NTM: variants seen among roughly 807,000 people sequenced by gnomAD.
The protein encoded by NTM is neurotrimin, also known as IgLON family member 2.
In NTM, 13 loss-of-function variants were observed where a neutral mutation model predicts 42.1. The ratio of observed to expected loss-of-function variants is 0.31; its 90% CI spans 0.20 to 0.49. The LOEUF is 0.49. NTM is among the 20% of genes least tolerant of loss of function. NTM has a pLI of 0.99. For missense variants in NTM, 373 were observed against 452.8 expected, an observed-to-expected ratio of 0.82 and a Z score of 1.60; for synonymous variants, 187 against 179.2, an observed-to-expected ratio of 1.04 and a Z score of -0.35.
At chr11:132,174,693 T>G (rs10894518) in intron 3 of NTM, among the ~76,000 whole-genome samples, 58,937 of 151,898 alleles carry the variant, frequency 0.39, 12,512 homozygotes, top group Non-Finnish European at 0.47. Flanking sequence ...GCAATGGCTC[T>G]TTGAAATATT....
intron 3 of NTM, among the ~76,000 whole-genome samples, chr11:132,200,363 C>T (rs1053537307): frequency 3.4e-4 from 51 of 152,134 alleles, no homozygotes; most frequent in African/African-American, 1.2e-3. Context: ...GGGACTGTAG[C>T]ACTAGAGAGA....
intron 4 of NTM, among the ~76,000 whole-genome samples, chr11:132,213,634 C>T (rs1223840540): frequency 6.6e-6 from 1 of 152,062 alleles, no homozygotes; most frequent in Non-Finnish European, 1.5e-5. Flanking sequence ...AAATTCTAGA[C>T]AGTGACAGTT....
At position 131,440,791 on chromosome 11, in the gene NTM, G is replaced by T. The variant is rs181084554; in HGVS notation, c.82+69903G>T. 5.1e-3 allele frequency among the ~76,000 whole-genome samples: 508 copies of T among 100,116 alleles called. 8 individuals are homozygous for T. The highest frequency in any genetic ancestry group is 0.019 in the African/African-American group (486 of 26,174). The allele number at this position is 100,116 out of a possible 152,430, so 65.7% of individuals were successfully genotyped here. A position where few individuals can be genotyped will look rare whatever the true frequency, so the allele number is the denominator to read the frequency against. On this transcript the variant is annotated intron_variant, in intron 1 of 8. Transcript: ENST00000683400. ...ACTTTCAACAGTTGTCTTGTTTTTTGTGCCACCCCTCACCACAGCCTCCAT... is the reference window on the plus strand; with the variant it reads ...ACTTTCAACAGTTGTCTTGTTTTTTTTGCCACCCCTCACCACAGCCTCCAT...
intron 4 of NTM, among the ~76,000 whole-genome samples, chr11:132,298,825 GTTC>G (rs1362880005): frequency 5.9e-5 from 9 of 152,082 alleles, no homozygotes; most frequent in African/African-American, 2.2e-4. Flanking sequence ...TATCAAATGA[GTTC>G]TTAATATGTG....
intron 1 of NTM, among the ~76,000 whole-genome samples, chr11:131,621,484 C>A (rs1052973851): frequency 6.6e-6 from 1 of 152,064 alleles, no homozygotes; most frequent in Non-Finnish European, 1.5e-5. Context: ...GCAGACCACA[C>A]ATCAAGTGCC....
chr11:132,108,453 G>A (rs1243470460), intron 2 of NTM, among the ~76,000 whole-genome samples: 1 of 152,156 alleles, frequency 6.6e-6, no homozygotes, highest in African/African-American at 2.4e-5. Flanking sequence ...GACATCATAT[G>A]TTCTCACTCA....
At chr11:132,115,440 T>A (rs1327076170) in intron 2 of NTM, among the ~76,000 whole-genome samples, 1 of 152,216 alleles carries the variant, frequency 6.6e-6, no homozygotes, top group Admixed American at 6.5e-5. Flanking sequence ...TATACAAGTT[T>A]TATTTGTCAA....
chr11:131,543,640 G>A (rs1057411424), intron 1 of NTM, among the ~76,000 whole-genome samples: 3 of 152,172 alleles, frequency 2.0e-5, no homozygotes, highest in African/African-American at 7.2e-5. Context: ...CATGAGCTGG[G>A]GAGAGGCTCT....
chr11:131,567,770 G>C (rs2057042484), intron 1 of NTM, among the ~76,000 whole-genome samples: 1 of 152,218 alleles, frequency 6.6e-6, no homozygotes, highest in African/African-American at 2.4e-5. Flanking sequence ...TCACAAAGAT[G>C]CTACTTGAAT....
rs149372076 is a variant in NTM, at chr11:131,592,919, C to T, written c.82+222031C>T. Among the ~76,000 whole-genome samples, 142 of 152,288 alleles carry T rather than the reference C, an allele frequency of 9.3e-4. 4 individuals are homozygous for T. Among genetic ancestry groups the T allele is most frequent in the African/African-American group, 7.5e-4 (31 of 41,562 alleles). The stretch of plus-strand genomic sequence containing the variant: ...GCCCTTCCCTGCCAATCTCCGGCCA[C>T]GTCTGGCAGCTGGAATTGCAGTTCT... On this transcript the variant is annotated intron_variant, in intron 1 of 8. Coordinates refer to ENST00000683400, the MANE Select transcript of NTM (RefSeq NM_001352005.2).
intron 3 of NTM, among the ~76,000 whole-genome samples, chr11:132,209,849 A>G (rs1365009279): frequency 1.3e-5 from 2 of 152,236 alleles, no homozygotes; most frequent in African/African-American, 2.4e-5. Context: ...TGCAGCACAG[A>G]TAAGTACAGC....
chr11:131,448,511 G>A (rs771442373), intron 1 of NTM, among the ~76,000 whole-genome samples: 5 of 152,198 alleles, frequency 3.3e-5, no homozygotes, highest in Admixed American at 6.5e-5. Context: ...ATAGACCTGC[G>A]GACCAGGAAG....
At chr11:132,284,970 C>T (rs2094169357) in intron 4 of NTM, 1 of 152,446 alleles carries the variant, frequency 6.6e-6, no homozygotes, top group Non-Finnish European at 1.5e-5. Context: ...GGAGCTCATC[C>T]ACCTGGGGAA....
At chr11:131,414,547 A>G (rs1946749034) in intron 1 of NTM, among the ~76,000 whole-genome samples, 1 of 152,128 alleles carries the variant, frequency 6.6e-6, no homozygotes. Context: ...TCGGGAGTGA[A>G]TGGAGTCCTT....
intron 4 of NTM, among the ~76,000 whole-genome samples, chr11:132,283,144 G>C (rs971950953): frequency 2.6e-5 from 4 of 151,576 alleles, no homozygotes; most frequent in Non-Finnish European, 5.9e-5. Flanking sequence ...GTGCCACCAT[G>C]CCCACCTAAT....
chr11:131,393,448 C>G (rs556692565), intron 1 of NTM, among the ~76,000 whole-genome samples: 108 of 152,300 alleles, frequency 7.1e-4, no homozygotes, highest in African/African-American at 2.5e-3. Flanking sequence ...GGATTGCCAC[C>G]TAGGCCTGGA....
chr11:131,564,868 T>TACAC (rs58633675), intron 1 of NTM, among the ~76,000 whole-genome samples: 116 of 151,674 alleles, frequency 7.6e-4, no homozygotes, highest in Non-Finnish European at 1.5e-3. Context: ...TACACACACA[T>TACAC]ACACACACAC....
At position 132,320,851 on chromosome 11, in the gene NTM, C is replaced by G. The variant is rs982713649; in HGVS notation, c.934+6148C>G. Reference sequence around the variant, plus strand: ...TCTGAGAACGGGCAGACTGCCTCCTCAAGTGGGTCCCTGACCCCTGACCCC... The same window carrying G: ...TCTGAGAACGGGCAGACTGCCTCCTGAAGTGGGTCCCTGACCCCTGACCCC... On this transcript the variant is annotated intron_variant, in intron 7 of 8. Coordinates refer to ENST00000683400, the MANE Select transcript of NTM (RefSeq NM_001352005.2). 2.0e-4 allele frequency among the ~76,000 whole-genome samples: 31 copies of G among 151,808 alleles called. 1 individual carries two copies. The highest frequency in any genetic ancestry group is 7.8e-4 in the East Asian group (4 of 5,150).
intron 1 of NTM, among the ~76,000 whole-genome samples, chr11:131,814,820 G>A (rs2092883224): frequency 1.3e-5 from 2 of 152,272 alleles, no homozygotes; most frequent in African/African-American, 2.4e-5. Flanking sequence ...GTCCAGTCTA[G>A]AAACCTGGGC....
Sources: gnomAD v4.1 joint callset for allele counts (sites outside exome capture counted in the v4.1 genomes callset) on GRCh38, gnomAD v4.1.1 for gene constraint, MANE v1.5 for transcripts, NCBI Gene and HGNC (gene_info 2026-07-23, HGNC 2026-07-21) for gene names.